The following PGM5 variants were observed in gnomAD, a reference collection of about 807,000 sequenced individuals.
PGM5 encodes phosphoglucomutase-like protein 5.
A neutral mutation model predicts 59.2 loss-of-function variants in PGM5; 23 were observed. The ratio of observed to expected loss-of-function variants is 0.39; its 90% CI spans 0.28 to 0.55. PGM5 has a LOEUF of 0.55. Ranked by LOEUF, PGM5 falls within the 20% of genes least tolerant of loss-of-function variation. The pLI is 0.66. For synonymous variants in PGM5, 214 were observed against 286.0 expected (o/e 0.75, Z 2.54); for missense variants, 574 against 748.3 (o/e 0.77, Z 2.72).
chr9:68,365,974 G>A (rs1181451378), intron 1 of PGM5, among the ~76,000 whole-genome samples: 1 of 152,046 alleles, frequency 6.6e-6, no homozygotes, highest in East Asian at 1.9e-4. Context: ...ACATGAACAG[G>A]TGGCCAACCT....
Position 68,406,720 on chromosome 9 carries a change from A to ATATATATATATG in PGM5, c.1043+14252_1043+14253insATATATGTATAT, listed in dbSNP as rs1563996769. The stretch of plus-strand genomic sequence containing the variant: ...TATATATATATATATATATATATAT[A>ATATATATATATG]TATATGTATATAGTGCTTACAGCAG... On this transcript the variant is annotated intron_variant, in intron 6 of 10. Coordinates refer to ENST00000396396, the MANE Select transcript of PGM5 (RefSeq NM_021965.4). Among the ~76,000 whole-genome samples, 24 of 76,570 alleles carry ATATATATATATG rather than the reference A, an allele frequency of 3.1e-4. 6 individuals carry two copies. The highest frequency in any genetic ancestry group is 4.7e-4 in the South Asian group (1 of 2,148). The allele number at this position is 76,570 out of a possible 152,430, so 50.2% of individuals were successfully genotyped here. A position where few individuals can be genotyped will look rare whatever the true frequency, so the allele number is the denominator to read the frequency against.
intron 6 of PGM5, among the ~76,000 whole-genome samples, chr9:68,457,844 A>G (rs10511957): frequency 0.05 from 7,654 of 152,068 alleles, 256 homozygotes; most frequent in African/African-American, 0.097. Context: ...TATAACTTGG[A>G]AAATACAAAG....
chr9:68,424,456 G>T (rs1823199956), intron 6 of PGM5, among the ~76,000 whole-genome samples: 1 of 152,110 alleles, frequency 6.6e-6, no homozygotes, highest in Non-Finnish European at 1.5e-5. Flanking sequence ...TTTTATAAGG[G>T]CTCTAATCTC....
At chr9:68,392,849 CT>C (rs1334171849) in intron 6 of PGM5, among the ~76,000 whole-genome samples, 1 of 152,028 alleles carries the variant, frequency 6.6e-6, no homozygotes, top group Non-Finnish European at 1.5e-5. Context: ...AGCAACAGAA[CT>C]TATTAACCTG....
At chr9:68,372,863 C>G (rs541206892) in intron 1 of PGM5, among the ~76,000 whole-genome samples, 110 of 152,078 alleles carry the variant, frequency 7.2e-4, no homozygotes, top group Non-Finnish European at 1.3e-3. Context: ...TACTTTTAAA[C>G]AAGCAGATCT....
intron 1 of PGM5, among the ~76,000 whole-genome samples, chr9:68,376,698 G>C (rs547319307): frequency 6.6e-6 from 1 of 152,242 alleles, no homozygotes; most frequent in African/African-American, 2.4e-5. Flanking sequence ...TCTGGGAAGA[G>C]AGGAGAGGAT....
intron 6 of PGM5, among the ~76,000 whole-genome samples, chr9:68,395,315 A>G (rs1554679884): frequency 6.6e-6 from 1 of 151,836 alleles, no homozygotes; most frequent in Non-Finnish European, 1.5e-5. Context: ...AGCATTCTCT[A>G]TTCTATACCA....
chr9:68,503,632 C>G (rs1438622040), intron 10 of PGM5, among the ~76,000 whole-genome samples: 1 of 152,212 alleles, frequency 6.6e-6, no homozygotes, highest in Non-Finnish European at 1.5e-5. Flanking sequence ...CAGCCTGCAT[C>G]CTCTCTTAGA....
intron 6 of PGM5, chr9:68,398,340 AG>A (rs1188477157): frequency 2.0e-5 from 3 of 152,128 alleles, no homozygotes; most frequent in African/African-American, 7.2e-5. Flanking sequence ...ACCCTCAAAA[AG>A]GTCTTACTAA....
At chr9:68,419,281 C>T (rs1554682205) in intron 6 of PGM5, among the ~76,000 whole-genome samples, 1 of 152,014 alleles carries the variant, frequency 6.6e-6, no homozygotes, top group African/African-American at 2.4e-5. Context: ...TTTTAAAGTT[C>T]TAAGACTGCT....
chr9:68,512,514 G>A (rs1179546670), intron 10 of PGM5, among the ~76,000 whole-genome samples: 2 of 152,174 alleles, frequency 1.3e-5, no homozygotes, highest in Non-Finnish European at 2.9e-5. Context: ...GTGAGGGAAG[G>A]ATCTGTTGAT....
chr9:68,516,600 G>C (rs868044404), intron 10 of PGM5, among the ~76,000 whole-genome samples: 21 of 152,196 alleles, frequency 1.4e-4, no homozygotes, highest in African/African-American at 4.6e-4. Flanking sequence ...AGGAGGTAGT[G>C]GGGTGGGCCT....
chr9:68,396,716 A>G (rs1402092231), intron 6 of PGM5: 3 of 152,200 alleles, frequency 2.0e-5, no homozygotes, highest in Admixed American at 2.0e-4. Context: ...GATTCTCATG[A>G]TGGACACTTT....
intron 10 of PGM5, among the ~76,000 whole-genome samples, chr9:68,517,082 C>G (rs1824835747): frequency 6.6e-6 from 1 of 150,812 alleles, no homozygotes; most frequent in Admixed American, 6.6e-5. Flanking sequence ...CGGGGTTTCT[C>G]CATATTGGTC....
chr9:68,419,323 T>C (rs1437075244), intron 6 of PGM5, among the ~76,000 whole-genome samples: 1 of 152,180 alleles, frequency 6.6e-6, no homozygotes, highest in African/African-American at 2.4e-5. Context: ...GGGGTCTCCA[T>C]CACTGGCCAT....
At chr9:68,508,806 C>T (rs543810692) in intron 10 of PGM5, among the ~76,000 whole-genome samples, 4 of 152,344 alleles carry the variant, frequency 2.6e-5, no homozygotes, top group Admixed American at 6.5e-5. Flanking sequence ...ACCACATTTC[C>T]GTGCCTTTCA....
intron 6 of PGM5, chr9:68,404,899 A>G (rs1446366809): frequency 5.5e-3 from 787 of 143,190 alleles, no homozygotes; most frequent in Middle Eastern, 0.011. Flanking sequence ...ACATAACTGA[A>G]GTAGATTGGC....
At chr9:68,364,962 C>T (rs1390200606) in intron 1 of PGM5, among the ~76,000 whole-genome samples, 1 of 152,146 alleles carries the variant, frequency 6.6e-6, no homozygotes, top group Non-Finnish European at 1.5e-5. Context: ...AAAAGGCAGA[C>T]ACACATCAGC....
chr9:68,496,665 A>G (rs1824487464), intron 9 of PGM5, among the ~76,000 whole-genome samples: 1 of 152,238 alleles, frequency 6.6e-6, no homozygotes, highest in African/African-American at 2.4e-5. Flanking sequence ...CAAAGACATT[A>G]TAATTAACCT....
Sources: gnomAD v4.1 joint callset for allele counts (sites outside exome capture counted in the v4.1 genomes callset) on GRCh38, gnomAD v4.1.1 for gene constraint, MANE v1.5 for transcripts, NCBI Gene and HGNC (gene_info 2026-07-23, HGNC 2026-07-21) for gene names.